The following TUSC3 variants were observed in gnomAD, a reference collection of about 807,000 sequenced individuals.
The protein encoded by TUSC3 is dolichyl-diphosphooligosaccharide--protein glycosyltransferase subunit TUSC3.
Under a neutral mutation model 44.8 loss-of-function variants are expected in TUSC3, and 45 were observed. The observed-to-expected ratio is 1.00, with a 90% CI of 0.79 to 1.29. The LOEUF is 1.29. Among genes scored for constraint, TUSC3 ranks in the 50% most tolerant of loss-of-function variants. The pLI is 0.00. For synonymous variants in TUSC3, 212 were observed against 152.9 expected (o/e 1.39, Z -2.85); for missense variants, 519 against 437.9 (o/e 1.19, Z -1.65).
intron 2 of TUSC3, among the ~76,000 whole-genome samples, chr8:15,627,432 T>G (rs1039821594): frequency 9.9e-5 from 15 of 152,234 alleles, no homozygotes; most frequent in African/African-American, 3.6e-4. Context: ...TTTGTGTGCT[T>G]CTTTCTTCCT....
At chr8:15,644,155 T>C (rs969143971) in intron 2 of TUSC3, among the ~76,000 whole-genome samples, 3 of 152,088 alleles carry the variant, frequency 2.0e-5, no homozygotes, top group African/African-American at 7.3e-5. Context: ...ACATAAAAGA[T>C]TGTAGCATTT....
chr8:15,468,662 AC>A (rs1800446002), intron 1 of TUSC3, among the ~76,000 whole-genome samples: 1 of 152,194 alleles, frequency 6.6e-6, no homozygotes, highest in Non-Finnish European at 1.5e-5. Context: ...TTCTTGCCAG[AC>A]TATAAAACCT....
chr8:15,774,309 C>T, the TUSC3 span, among the ~76,000 whole-genome samples: 1 of 152,060 alleles, frequency 6.6e-6, no homozygotes, highest in South Asian at 2.1e-4. Flanking sequence ...AATAGAGTCA[C>T]TGCAAATGTA....
the TUSC3 span, among the ~76,000 whole-genome samples, chr8:15,848,077 C>T: frequency 7.9e-5 from 12 of 152,106 alleles, no homozygotes; most frequent in African/African-American, 2.9e-4. Context: ...CTGGATGCAT[C>T]CTCTTCCTTC....
chr8:15,742,744 A>G (rs2129214129), intron 7 of TUSC3, among the ~76,000 whole-genome samples: 1 of 152,374 alleles, frequency 6.6e-6, no homozygotes, highest in Non-Finnish European at 1.5e-5. Flanking sequence ...TTAGTCCATT[A>G]ATCGCTTGGG....
At chr8:15,562,741 A>T (rs889854827) in intron 1 of TUSC3, among the ~76,000 whole-genome samples, 1 of 152,128 alleles carries the variant, frequency 6.6e-6, no homozygotes, top group African/African-American at 2.4e-5. Flanking sequence ...TGCCAACCCC[A>T]GGTTCCAGCC....
At chr8:15,778,300 T>A in the TUSC3 span, among the ~76,000 whole-genome samples, 3 of 152,238 alleles carry the variant, frequency 2.0e-5, no homozygotes, top group South Asian at 6.2e-4. Context: ...GTATTACCAG[T>A]ACTGAAAAAC....
At chr8:15,777,817 G>C in the TUSC3 span, among the ~76,000 whole-genome samples, 2 of 151,948 alleles carry the variant, frequency 1.3e-5, no homozygotes, top group East Asian at 1.9e-4. Context: ...GATATATACA[G>C]ACACACACAA....
intron 2 of TUSC3, among the ~76,000 whole-genome samples, chr8:15,648,725 CAAAAAAAAAA>C (rs58526383): frequency 0.011 from 294 of 26,142 alleles, no homozygotes; most frequent in Middle Eastern, 0.071. Flanking sequence ...GACTCTGTGT[CAAAAAAAAAA>C]AAAAAAAAAA....
At chr8:15,499,895 C>T (rs958693264) in intron 2 of TUSC3, among the ~76,000 whole-genome samples, 1 of 152,194 alleles carries the variant, frequency 6.6e-6, no homozygotes, top group African/African-American at 2.4e-5. Flanking sequence ...TACACACACA[C>T]ACATTCTGTA....
chr8:15,661,432 G>A (rs1232860517), intron 4 of TUSC3, among the ~76,000 whole-genome samples: 1 of 151,972 alleles, frequency 6.6e-6, no homozygotes, highest in Non-Finnish European at 1.5e-5. Context: ...TTTAAATAGA[G>A]TGATCCTCAT....
intron 1 of TUSC3, among the ~76,000 whole-genome samples, chr8:15,576,681 T>C (rs1253280252): frequency 7.3e-6 from 1 of 136,942 alleles, no homozygotes; most frequent in Admixed American, 7.4e-5. Flanking sequence ...ATGGTGTATA[T>C]GTGCCACATT....
chr8:15,446,665 G>C (rs1327608226), intron 1 of TUSC3, among the ~76,000 whole-genome samples: 1 of 149,400 alleles, frequency 6.7e-6, no homozygotes, highest in Non-Finnish European at 1.5e-5. Context: ...GCAGTGAGCC[G>C]AGATGGTGGC....
At chr8:15,443,958 C>G (rs1800057802) in intron 1 of TUSC3, among the ~76,000 whole-genome samples, 1 of 152,090 alleles carries the variant, frequency 6.6e-6, no homozygotes, top group African/African-American at 2.4e-5. Context: ...GGCTCACTGG[C>G]TTCCCCCACC....
At position 15,563,512 on chromosome 8, in the gene TUSC3, C is replaced by T. The variant is rs546959536; in HGVS notation, c.138+22944C>T. Reference sequence around the variant, plus strand: ...AACAGCCTGGCCAATATGGTGAAACCCTGTCTCTGCTAAAAATACAAAAAT... The same window carrying T: ...AACAGCCTGGCCAATATGGTGAAACTCTGTCTCTGCTAAAAATACAAAAAT... On this transcript the variant is annotated intron_variant, in intron 1 of 10. Transcript: ENST00000503731. 1.4e-4 allele frequency among the ~76,000 whole-genome samples: 21 copies of T among 151,834 alleles called. 1 individual carries two copies. The South Asian group carries it at 4.4e-3, about 32-fold the overall frequency.
At chr8:15,720,541 C>T (rs1810264560) in intron 6 of TUSC3, among the ~76,000 whole-genome samples, 1 of 152,010 alleles carries the variant, frequency 6.6e-6, no homozygotes, top group Non-Finnish European at 1.5e-5. Context: ...TGCTATATTT[C>T]ACATCAGATG....
intron 2 of TUSC3, among the ~76,000 whole-genome samples, chr8:15,647,590 C>T (rs1389824205): frequency 6.6e-6 from 1 of 152,112 alleles, no homozygotes. Flanking sequence ...CTCCGTGCTA[C>T]CTCACTCACT....
chr8:15,617,132 G>GTGTGTGTGTGTGTGTGTGTGTGTGTGTA (rs375212684), intron 1 of TUSC3, among the ~76,000 whole-genome samples: 2 of 77,612 alleles, frequency 2.6e-5, no homozygotes, highest in East Asian at 3.6e-4. Flanking sequence ...GTGTGTGTGT[G>GTGTGTGTGTGTGTGTGTGTGTGTGTGTA]TATATATTTT....
At chr8:15,686,776 A>G (rs1234086526) in intron 6 of TUSC3, among the ~76,000 whole-genome samples, 3 of 152,174 alleles carry the variant, frequency 2.0e-5, no homozygotes, top group Non-Finnish European at 2.9e-5. Flanking sequence ...TTTAAACAAA[A>G]AAACCCAGCT....
Sources: allele counts gnomAD v4.1 joint callset (sites outside exome capture counted in the v4.1 genomes callset), GRCh38; gene constraint gnomAD v4.1.1; transcripts MANE v1.5; gene names NCBI Gene and HGNC (gene_info 2026-07-23, HGNC 2026-07-21).